MYO3A: variants seen among roughly 807,000 people sequenced by gnomAD.
The protein encoded by MYO3A is myosin-IIIa.
Under a neutral mutation model 192.7 loss-of-function variants are expected in MYO3A, and 180 were observed. The observed-to-expected ratio is 0.93, with a 90% confidence interval of 0.83 to 1.06. The LOEUF (loss-of-function observed/expected upper bound fraction) is 1.06, where lower values mean the gene tolerates loss of function less well. Ranked by LOEUF, MYO3A falls within the 50% of genes least tolerant of loss-of-function variation. MYO3A has a pLI of 0.00. For synonymous variants in MYO3A, 628 were observed against 645.3 expected (o/e 0.97, Z 0.41); for missense variants, 1,896 against 1,905.0 (o/e 1.00, Z 0.09).
chr10:26,009,904 G>A (rs1223667905), intron 6 of MYO3A, among the ~76,000 whole-genome samples: 1 of 152,052 alleles, frequency 6.6e-6, no homozygotes, highest in Non-Finnish European at 1.5e-5. Context: ...CAGGTAAATG[G>A]GGCAAAAAGG....
intron 17 of MYO3A, among the ~76,000 whole-genome samples, chr10:26,109,558 C>CTATATATGTGTTCTATATAGAG (rs1411441011): frequency 6.6e-6 from 1 of 152,158 alleles, no homozygotes; most frequent in African/African-American, 2.4e-5. Context: ...ATAGAGAGTT[C>CTATATATGTGTTCTATATAGAG]AGTTCTATCT....
chr10:26,103,335 C>T (rs1837593465), intron 17 of MYO3A, among the ~76,000 whole-genome samples: 1 of 152,204 alleles, frequency 6.6e-6, no homozygotes, highest in African/African-American at 2.4e-5. Flanking sequence ...CTTGTGCTTC[C>T]CAGGTGAGGC....
chr10:26,059,091 CT>C (rs1243815483), intron 10 of MYO3A, among the ~76,000 whole-genome samples: 1 of 152,116 alleles, frequency 6.6e-6, no homozygotes, highest in East Asian at 1.9e-4. Flanking sequence ...TTTATGCTGA[CT>C]CTTTCAGATT....
intron 15 of MYO3A, among the ~76,000 whole-genome samples, chr10:26,093,586 C>G (rs945725609): frequency 6.6e-6 from 1 of 152,148 alleles, no homozygotes; most frequent in African/African-American, 2.4e-5. Flanking sequence ...TCTCCTACCT[C>G]CCTGAATTTT....
chr10:26,123,889 A>C (rs1350232431), intron 18 of MYO3A, among the ~76,000 whole-genome samples: 7 of 151,920 alleles, frequency 4.6e-5, no homozygotes, highest in Admixed American at 4.6e-4. Context: ...TCGTGCCACT[A>C]TACTCCAGCC....
intron 23 of MYO3A, among the ~76,000 whole-genome samples, chr10:26,148,511 T>C (rs1840604762): frequency 6.6e-6 from 1 of 152,248 alleles, no homozygotes; most frequent in Admixed American, 6.5e-5. Flanking sequence ...CGTTTTAGAA[T>C]GAGCTTGTCA....
intron 23 of MYO3A, among the ~76,000 whole-genome samples, chr10:26,152,169 A>G (rs7081905): frequency 0.35 from 52,753 of 152,120 alleles, 9,252 homozygotes; most frequent in Middle Eastern, 0.44. Flanking sequence ...TTAATAGTCA[A>G]GTATGTTTCA....
chr10:26,032,052 C>G (rs540265844), intron 10 of MYO3A, among the ~76,000 whole-genome samples: 6 of 152,238 alleles, frequency 3.9e-5, no homozygotes, highest in Admixed American at 6.5e-5. Context: ...ACTTGATGCT[C>G]TCAATATGCC....
At chr10:26,195,311 T>C (rs1305496335) in intron 32 of MYO3A, among the ~76,000 whole-genome samples, 1 of 152,262 alleles carries the variant, frequency 6.6e-6, no homozygotes, top group Non-Finnish European at 1.5e-5. Flanking sequence ...CTTGAGTTTC[T>C]GTTTCTCTCC....
intron 31 of MYO3A, among the ~76,000 whole-genome samples, chr10:26,177,710 G>A (rs561400869): frequency 3.3e-5 from 5 of 152,262 alleles, no homozygotes; most frequent in African/African-American, 4.8e-5. Flanking sequence ...GAGGCCCTCC[G>A]CAATCTCACT....
chr10:26,076,649 T>A (rs1488257605), intron 14 of MYO3A, among the ~76,000 whole-genome samples: 1 of 152,164 alleles, frequency 6.6e-6, no homozygotes, highest in Non-Finnish European at 1.5e-5. Context: ...AAGTCCTGAA[T>A]CCATCTTGAG....
chr10:26,201,279 A>G lies in MYO3A; in HGVS notation c.4560A>G (p.Glu1520=), dbSNP rs1480075526. 6.3e-7 allele frequency: 1 copy of G among 1,579,206 alleles called. No individual in the cohort carries two copies. The highest frequency in any genetic ancestry group is 1.7e-5 in the Admixed American group (1 of 58,698). Residue 1520 remains glutamate (E), a synonymous_variant, in exon 33 of 35, where the codon GAA becomes GAG. Coordinates refer to ENST00000642920, the MANE Select transcript of MYO3A (RefSeq NM_017433.5). ...CTTTCCTTTAGAAGTCAATCCAAGA[A>G]GAAAAACGAAGACCAAGGAAAGACA... is the stretch of plus-strand genomic sequence containing the variant. ...YYYLLHKSIQ[E]EKRRPRKDSQ... is the part of the protein sequence containing the mutation.
chr10:26,203,387 GATAA>G (rs1843766372), intron 34 of MYO3A, among the ~76,000 whole-genome samples: 1 of 152,092 alleles, frequency 6.6e-6, no homozygotes, highest in South Asian at 2.1e-4. Context: ...CAGTTTGGAT[GATAA>G]ATTATTATAT....
chr10:26,054,631 G>A (rs371971185), intron 10 of MYO3A, among the ~76,000 whole-genome samples: 2 of 152,206 alleles, frequency 1.3e-5, no homozygotes, highest in Non-Finnish European at 2.9e-5. Context: ...AATTATCCGG[G>A]ATTAGTGGCC....
chr10:25,970,143 A>G (rs1192000947), intron 4 of MYO3A, among the ~76,000 whole-genome samples: 1 of 152,162 alleles, frequency 6.6e-6, no homozygotes, highest in Non-Finnish European at 1.5e-5. Context: ...TCAGTAATTT[A>G]AAAAACAAGT....
Position 26,161,395 on chromosome 10 carries a change from T to G in MYO3A, c.2999+3880T>G, listed in dbSNP as rs1589058016. Among the ~76,000 whole-genome samples the G allele has an allele frequency of 4.6e-5, 7 of 152,358 alleles. No homozygotes were observed. The South Asian group carries it at 1.4e-3, about 32-fold the overall frequency. ...TACTGCAGCTATTTCAAAGGAACCCTTACGCTAACAAGCCAGCCACTTAAC... is the reference window on the plus strand; with the variant it reads ...TACTGCAGCTATTTCAAAGGAACCCGTACGCTAACAAGCCAGCCACTTAAC... On this transcript the variant is annotated intron_variant, in intron 26 of 34. Coordinates refer to ENST00000642920, the MANE Select transcript of MYO3A (RefSeq NM_017433.5).
At chr10:26,113,319 A>C (rs979040612) in intron 17 of MYO3A, among the ~76,000 whole-genome samples, 1 of 152,022 alleles carries the variant, frequency 6.6e-6, no homozygotes, top group Admixed American at 6.6e-5. Context: ...AAATACAAAA[A>C]ATTAGCCAGT....
rs572745983 is a variant in MYO3A, at chr10:26,071,547, G to A, written c.1359+1146G>A. Among the ~76,000 whole-genome samples the A allele has an allele frequency of 2.6e-4, 39 of 152,174 alleles. 1 individual carries two copies. In the South Asian group the frequency reaches 5.4e-3, roughly 21 times the overall value. On this transcript the variant is annotated intron_variant, in intron 14 of 34. Coordinates refer to ENST00000642920, the MANE Select transcript of MYO3A (RefSeq NM_017433.5). The stretch of plus-strand genomic sequence containing the variant: ...AAAAATTTGATTTTGTCAAAATTAA[G>A]AATGTCTGTTCTCTGAGGACACTGT...
rs1331706742 is a variant in MYO3A at position 26,066,121 on chromosome 10, CA to C, written c.954-831del. Among the ~76,000 whole-genome samples the C allele has an allele frequency of 6.9e-3, 134 of 19,384 alleles. 3 individuals carry two copies. The highest frequency in any genetic ancestry group is 0.019 in the South Asian group (9 of 462). 12.7% of individuals were successfully genotyped at this position (19,384 alleles called of 152,430 possible). On this transcript the variant is annotated intron_variant, in intron 10 of 34. Coordinates refer to ENST00000642920, the MANE Select transcript of MYO3A (RefSeq NM_017433.5). ...TGGGCGACAGAGCGAAACTCCGTCT[CA>C]AAAAAAAAAAAAAAAAAAAAAAGAG...
Sources: allele counts gnomAD v4.1 joint callset (sites outside exome capture counted in the v4.1 genomes callset), GRCh38; gene constraint gnomAD v4.1.1; transcripts MANE v1.5; gene names NCBI Gene and HGNC (gene_info 2026-07-23, HGNC 2026-07-21).